The following CDH12 variants were observed in gnomAD, a reference collection of about 807,000 sequenced individuals.
CDH12 encodes cadherin-12.
Under a neutral mutation model 74.1 loss-of-function variants are expected in CDH12, and 41 were observed. The ratio of observed to expected loss-of-function variants is 0.55; its 90% CI spans 0.43 to 0.72. The LOEUF (loss-of-function observed/expected upper bound fraction) is 0.72, where lower values mean the gene tolerates loss of function less well. Ranked by LOEUF, CDH12 falls within the 30% of genes least tolerant of loss-of-function variation. The pLI is 0.00. For missense variants in CDH12, 945 were observed against 977.2 expected, an observed-to-expected ratio of 0.97 and a Z score of 0.44; for synonymous variants, 399 against 355.0, an observed-to-expected ratio of 1.12 and a Z score of -1.39.
At chr5:22,410,677 T>A (rs1309286580) in intron 2 of CDH12, among the ~76,000 whole-genome samples, 1 of 152,132 alleles carries the variant, frequency 6.6e-6, no homozygotes, top group Admixed American at 6.6e-5. Flanking sequence ...TGCAAGTTGA[T>A]TTTTCAGCAA....
intron 1 of CDH12, among the ~76,000 whole-genome samples, chr5:22,513,461 T>C (rs1177935803): frequency 6.6e-6 from 1 of 152,088 alleles, no homozygotes; most frequent in Non-Finnish European, 1.5e-5. Flanking sequence ...ATAATGAACA[T>C]GAAATGAGCA....
intron 6 of CDH12, among the ~76,000 whole-genome samples, chr5:21,855,662 A>G (rs940926595): frequency 6.6e-6 from 1 of 151,616 alleles, no homozygotes; most frequent in Non-Finnish European, 1.5e-5. Context: ...ATATGTGTAT[A>G]TACACACATA....
chr5:22,134,492 C>T (rs1285523566), intron 4 of CDH12, among the ~76,000 whole-genome samples: 1 of 151,080 alleles, frequency 6.6e-6, no homozygotes, highest in Non-Finnish European at 1.5e-5. Context: ...TTGGAAAGTG[C>T]GTGGGTGGTG....
At chr5:21,982,541 A>G (rs1444155278) in intron 5 of CDH12, among the ~76,000 whole-genome samples, 1 of 151,834 alleles carries the variant, frequency 6.6e-6, no homozygotes, top group East Asian at 1.9e-4. Context: ...ATCCATATAT[A>G]GAGATCCATA....
At chr5:22,333,665 A>C (rs1402282500) in intron 3 of CDH12, among the ~76,000 whole-genome samples, 1 of 152,214 alleles carries the variant, frequency 6.6e-6, no homozygotes, top group Non-Finnish European at 1.5e-5. Flanking sequence ...CCCAAACTAG[A>C]AAAAGACATT....
chr5:21,878,574 C>CAAAAAAAAA (rs55681202), intron 6 of CDH12, among the ~76,000 whole-genome samples: 3 of 119,736 alleles, frequency 2.5e-5, no homozygotes, highest in African/African-American at 9.7e-5. Flanking sequence ...ACCAAAAATA[C>CAAAAAAAAA]AAAAAAAAAA....
At chr5:21,870,312 G>A (rs1178692248) in intron 6 of CDH12, among the ~76,000 whole-genome samples, 1 of 152,132 alleles carries the variant, frequency 6.6e-6, no homozygotes, top group East Asian at 1.9e-4. Flanking sequence ...GTTTCCAGAG[G>A]AGATTTGCAT....
chr5:21,798,930 G>T (rs1213434450), intron 10 of CDH12, among the ~76,000 whole-genome samples: 1 of 152,114 alleles, frequency 6.6e-6, no homozygotes, highest in African/African-American at 2.4e-5. Flanking sequence ...TGTAGAAGTG[G>T]CTCTGAAACT....
At chr5:22,777,274 T>C (rs1355080228) in intron 1 of CDH12, among the ~76,000 whole-genome samples, 3 of 152,188 alleles carry the variant, frequency 2.0e-5, no homozygotes, top group Admixed American at 6.5e-5. Context: ...CAAATCTTCA[T>C]TGCATTACAC....
At chr5:21,918,156 CAT>C (rs3063773) in intron 6 of CDH12, among the ~76,000 whole-genome samples, 109,592 of 150,884 alleles carry the variant, frequency 0.73, 42,881 homozygotes, top group East Asian at 0.93. Context: ...AGATTTTTCA[CAT>C]GTTTCACTGT....
intron 1 of CDH12, among the ~76,000 whole-genome samples, chr5:22,819,689 T>G (rs1749570030): frequency 6.6e-6 from 1 of 151,632 alleles, no homozygotes; most frequent in Admixed American, 6.6e-5. Flanking sequence ...GAATAAGACA[T>G]GTAACAAATG....
At chr5:22,232,943 G>C (rs1752434997) in intron 3 of CDH12, among the ~76,000 whole-genome samples, 1 of 148,588 alleles carries the variant, frequency 6.7e-6, no homozygotes, top group Non-Finnish European at 1.5e-5. Flanking sequence ...TGCCTTTGTA[G>C]AGAATCGAAT....
chr5:22,734,548 T>C (rs1219714074), intron 1 of CDH12, among the ~76,000 whole-genome samples: 1 of 151,898 alleles, frequency 6.6e-6, no homozygotes, highest in Non-Finnish European at 1.5e-5. Flanking sequence ...AGGGCTATAG[T>C]TCAAGGGCTG....
In CDH12 at chr5:21,833,298, A is replaced by T. The variant is rs1313084668; in HGVS notation, c.814+8863T>A. 3.9e-5 allele frequency among the ~76,000 whole-genome samples: 2 copies of T among 50,670 alleles called. 1 individual carries two copies. The highest frequency in any genetic ancestry group is 3.7e-4 in the African/African-American group (2 of 5,478). The allele number at this position is 50,670 out of a possible 152,430, so 33.2% of individuals were successfully genotyped here. The stretch of plus-strand genomic sequence containing the variant: ...TTATATGTTATATAACATATAATAT[A>T]TATTATATGTTATATGTTATATAAT... On this transcript the variant is annotated intron_variant, in intron 8 of 14. Coordinates refer to ENST00000382254, the MANE Select transcript of CDH12 (RefSeq NM_004061.5).
Position 21,750,834 on chromosome 5 carries a change from G to A in CDH12, c.*903C>T, listed in dbSNP as rs1042455102. On this transcript the variant is annotated 3_prime_UTR_variant, in exon 15 of 15. Transcript: ENST00000382254. ...TCTATGACTAAAAGCTGAATCTGGT[G>A]ACTGTTAAAACCAATTTTCCACACA... The A allele has an allele frequency of 1.3e-5, 2 of 152,006 alleles. No homozygotes were observed. The highest frequency in any genetic ancestry group is 2.9e-5 in the Non-Finnish European group (2 of 67,978). The allele number at this position is 152,006 out of a possible 1,614,324, so 9.4% of individuals were successfully genotyped here.
intron 1 of CDH12, among the ~76,000 whole-genome samples, chr5:22,738,120 T>C (rs997105025): frequency 6.6e-6 from 1 of 151,940 alleles, no homozygotes; most frequent in East Asian, 1.9e-4. Context: ...GGAAACTGTT[T>C]AGAGCTGGAG....
At chr5:21,809,143 G>C (rs1747602611) in intron 9 of CDH12, among the ~76,000 whole-genome samples, 1 of 152,016 alleles carries the variant, frequency 6.6e-6, no homozygotes, top group East Asian at 1.9e-4. Context: ...ATACTTTAGT[G>C]TTTTGCAACT....
At chr5:22,508,798 A>G (rs1248979119) in intron 1 of CDH12, among the ~76,000 whole-genome samples, 3 of 152,096 alleles carry the variant, frequency 2.0e-5, no homozygotes, top group Non-Finnish European at 4.4e-5. Context: ...GGAGCAAACC[A>G]ATGTATGTCT....
At chr5:22,094,887 A>G (rs1001507629) in intron 4 of CDH12, among the ~76,000 whole-genome samples, 1 of 151,724 alleles carries the variant, frequency 6.6e-6, no homozygotes, top group African/African-American at 2.4e-5. Flanking sequence ...CCAGAGAACA[A>G]CCCCTCTTTG....
Sources: allele counts gnomAD v4.1 joint callset (sites outside exome capture counted in the v4.1 genomes callset), GRCh38; gene constraint gnomAD v4.1.1; transcripts MANE v1.5; gene names NCBI Gene and HGNC (gene_info 2026-07-23, HGNC 2026-07-21).